Variants in IGF2BP3 observed in about 807,000 individuals in gnomAD.
IGF2BP3 encodes the protein insulin like growth factor 2 mRNA binding protein 3.
Under a neutral mutation model 73.8 loss-of-function variants are expected in IGF2BP3, and 9 were observed. The ratio of observed to expected loss-of-function variants is 0.12; its 90% CI spans 0.07 to 0.21. IGF2BP3 has a LOEUF of 0.21. Ranked by LOEUF, IGF2BP3 falls within the 10% of genes least tolerant of loss-of-function variation. The probability of loss-of-function intolerance (pLI) is 1.00; values close to 1 mark genes in which losing one functional copy is unlikely to be tolerated. For missense variants in IGF2BP3, 542 were observed against 714.0 expected (o/e 0.76, Z 2.75); for synonymous variants, 258 against 256.7 (o/e 1.01, Z -0.05).
intron 10 of IGF2BP3, among the ~76,000 whole-genome samples, chr7:23,341,351 T>C (rs961194998): frequency 1.1e-4 from 16 of 152,128 alleles, no homozygotes; most frequent in Non-Finnish European, 1.8e-4. Context: ...AAGAAGCCTT[T>C]AAAAAATCTT....
chr7:23,410,374 G>A (rs1334781131), intron 3 of IGF2BP3, among the ~76,000 whole-genome samples: 1 of 152,010 alleles, frequency 6.6e-6, no homozygotes, highest in East Asian at 1.9e-4. Context: ...ACTGATAAAG[G>A]GCATGATGAC....
intron 2 of IGF2BP3, among the ~76,000 whole-genome samples, chr7:23,464,857 C>T (rs778382036): frequency 6.6e-6 from 1 of 151,974 alleles, no homozygotes; most frequent in Non-Finnish European, 1.5e-5. Flanking sequence ...TAATCCTAAA[C>T]AATGCCAACC....
chr7:23,418,580 T>C (rs1303807319), intron 3 of IGF2BP3, among the ~76,000 whole-genome samples, 196 bp downstream of exon 3: 2 of 152,188 alleles, frequency 1.3e-5, no homozygotes, highest in African/African-American at 4.8e-5. Flanking sequence ...ATTTGGTTTC[T>C]TATCCCAAAG....
chr7:23,347,370 G>A (rs1784854594), intron 7 of IGF2BP3, among the ~76,000 whole-genome samples: 1 of 152,104 alleles, frequency 6.6e-6, no homozygotes, highest in African/African-American at 2.4e-5. Context: ...TTCTATAGCT[G>A]CATTTCTCTT....
chr7:23,379,312 G>GT (rs1008506772), intron 3 of IGF2BP3, among the ~76,000 whole-genome samples: 1 of 152,194 alleles, frequency 6.6e-6, no homozygotes, highest in African/African-American at 2.4e-5. Context: ...TCCCAGCCAT[G>GT]TTCTCTTATA....
At chr7:23,321,577 CAAG>C (rs1784152606) in intron 10 of IGF2BP3, among the ~76,000 whole-genome samples, 1 of 152,230 alleles carries the variant, frequency 6.6e-6, no homozygotes, top group African/African-American at 2.4e-5. Flanking sequence ...CACCACAGCT[CAAG>C]GAGGCCTGCC....
intron 2 of IGF2BP3, among the ~76,000 whole-genome samples, chr7:23,459,700 G>A (rs1562764574): frequency 6.6e-6 from 1 of 152,030 alleles, no homozygotes; most frequent in Non-Finnish European, 1.5e-5. Context: ...GTGTGGTGGT[G>A]TGCGCCTGTA....
At chr7:23,466,770 A>G (rs1309319771) in intron 2 of IGF2BP3, among the ~76,000 whole-genome samples, 1 of 152,234 alleles carries the variant, frequency 6.6e-6, no homozygotes, top group Non-Finnish European at 1.5e-5. Flanking sequence ...GCAAAAGAAA[A>G]GCAGCAGGGG....
chr7:23,449,267 C>T (rs776283556), intron 2 of IGF2BP3, among the ~76,000 whole-genome samples: 1 of 152,014 alleles, frequency 6.6e-6, no homozygotes, highest in East Asian at 1.9e-4. Context: ...CCTGAAATCC[C>T]AGCACTTTGG....
intron 10 of IGF2BP3, among the ~76,000 whole-genome samples, chr7:23,319,822 C>A (rs533347169): frequency 6.6e-6 from 1 of 152,320 alleles, no homozygotes; most frequent in Admixed American, 6.5e-5. Context: ...AAGCACAGGA[C>A]AGGATTAGGA....
At chr7:23,433,144 A>T (rs1787728353) in intron 2 of IGF2BP3, among the ~76,000 whole-genome samples, 1 of 152,236 alleles carries the variant, frequency 6.6e-6, no homozygotes, top group African/African-American at 2.4e-5. Flanking sequence ...GAACTTGGAT[A>T]TAAAACCTCT....
chr7:23,451,785 T>C (rs1020108386), intron 2 of IGF2BP3, among the ~76,000 whole-genome samples: 6 of 151,654 alleles, frequency 4.0e-5, no homozygotes, highest in Admixed American at 6.6e-5. Flanking sequence ...CCTGTCCTAC[T>C]GAAAATACAA....
chr7:23,394,756 T>G (rs549750172), intron 3 of IGF2BP3: 3 of 152,282 alleles, frequency 2.0e-5, no homozygotes, highest in Non-Finnish European at 4.4e-5. Context: ...CACGTCAGAA[T>G]AGAATTCCTA....
At chr7:23,315,188 A>G (rs1311390254) in intron 12 of IGF2BP3, among the ~76,000 whole-genome samples, 1 of 151,058 alleles carries the variant, frequency 6.6e-6, no homozygotes, top group East Asian at 1.9e-4. Flanking sequence ...GCACACTGCA[A>G]CCTCTGTCTC....
At chr7:23,439,785 A>C (rs1787889507) in intron 2 of IGF2BP3, among the ~76,000 whole-genome samples, 1 of 152,150 alleles carries the variant, frequency 6.6e-6, no homozygotes, top group South Asian at 2.1e-4. Context: ...ATAAACAAAG[A>C]AACTGAGGTG....
intron 2 of IGF2BP3, among the ~76,000 whole-genome samples, chr7:23,420,349 A>G (rs1787310382): frequency 6.6e-6 from 1 of 152,098 alleles, no homozygotes; most frequent in Non-Finnish European, 1.5e-5. Flanking sequence ...ATGGTGTTGC[A>G]TGCTTGTAGT....
intron 2 of IGF2BP3, among the ~76,000 whole-genome samples, chr7:23,446,791 C>A (rs898524901): frequency 3.9e-5 from 6 of 152,138 alleles, no homozygotes; most frequent in African/African-American, 1.2e-4. Flanking sequence ...CTGGCAGACA[C>A]TACTTAACCA....
At chr7:23,449,156 T>C (rs1446786962) in intron 2 of IGF2BP3, among the ~76,000 whole-genome samples, 1 of 151,868 alleles carries the variant, frequency 6.6e-6, no homozygotes, top group African/African-American at 2.4e-5. Context: ...CTATCAAGGC[T>C]AATATGCCAT....
intron 3 of IGF2BP3, among the ~76,000 whole-genome samples, chr7:23,398,817 T>A (rs1436327207): frequency 6.6e-6 from 1 of 152,230 alleles, no homozygotes; most frequent in Non-Finnish European, 1.5e-5. Flanking sequence ...TAGCCCTTTG[T>A]CAGATGAGTA....
Sources: allele counts gnomAD v4.1 joint callset (sites outside exome capture counted in the v4.1 genomes callset), GRCh38; gene constraint gnomAD v4.1.1; transcripts MANE v1.5; gene names NCBI Gene and HGNC (gene_info 2026-07-23, HGNC 2026-07-21).